Variants in CCDC106 observed in about 807,000 individuals in gnomAD.
CCDC106 encodes the protein coiled-coil domain containing 106, also known as coiled-coil domain-containing protein 106.
A neutral mutation model predicts 24.7 loss-of-function variants in CCDC106; 17 were observed. The observed-to-expected ratio is 0.69, with a 90% confidence interval of 0.47 to 1.03. CCDC106 has a LOEUF of 1.03. CCDC106 is among the 50% of genes least tolerant of loss of function. The pLI, the probability that CCDC106 is intolerant of heterozygous loss-of-function variation, is 0.00. For synonymous variants in CCDC106, 211 were observed against 161.3 expected, an observed-to-expected ratio of 1.31 and a Z score of -2.34; for missense variants, 337 against 388.9, an observed-to-expected ratio of 0.87 and a Z score of 1.12.
In CCDC106 at chr19:55,648,616, T is replaced by G. The variant is rs1358014783; in HGVS notation, c.-431T>G. The G allele has an allele frequency of 4.9e-6, 1 of 205,234 alleles. No individual in the cohort carries two copies. Among genetic ancestry groups the G allele is most frequent in the Non-Finnish European group, 9.9e-6 (1 of 100,536 alleles). The allele number at this position is 205,234 out of a possible 1,614,324, so 12.7% of individuals were successfully genotyped here. A position where few individuals can be genotyped will look rare whatever the true frequency, so the allele number is the denominator to read the frequency against. On this transcript the variant is annotated 5_prime_UTR_variant, in exon 1 of 5. Transcript: ENST00000586790. The stretch of plus-strand genomic sequence containing the variant: ...CTGGGAAGTTGGGGCAGTTTCCCCC[T>G]GCACCTGCCTCTTCCTTAGGCCTGG...
rs1983029775 is a variant in CCDC106, at chr19:55,648,711, GCAC to G, written c.-334_-332del. 1 of 434,910 alleles carries G rather than the reference GCAC, an allele frequency of 2.3e-6. No individual in the cohort carries two copies. The highest frequency in any genetic ancestry group is 2.0e-5 in the African/African-American group (1 of 50,030). 26.9% of individuals were successfully genotyped at this position (434,910 alleles called of 1,614,324 possible). A position where few individuals can be genotyped will look rare whatever the true frequency, so the allele number is the denominator to read the frequency against. ...GTCCCTGGTCAGGCGACCCCTTGGG[GCAC>G]CCAGCAATTTAGGGCTTCAGCTTCC... On this transcript the variant is annotated 5_prime_UTR_variant, in exon 1 of 5. Transcript: ENST00000586790.
intron 3 of CCDC106, among the ~76,000 whole-genome samples, chr19:55,651,000 C>A (rs187817642): frequency 2.6e-5 from 4 of 152,166 alleles, no homozygotes; most frequent in Admixed American, 2.6e-4. Context: ...ATGGGAACCG[C>A]GCATAGTCAC....
intron 3 of CCDC106, 99 bp from the exon 4 acceptor site, chr19:55,651,184 T>G: frequency 1.1e-6 from 1 of 923,248 alleles, no homozygotes; most frequent in Non-Finnish European, 1.8e-6. Flanking sequence ...CCAGCCCAGG[T>G]TGGGGGATCC....
Position 55,652,749 on chromosome 19 carries a change from G to T in CCDC106, c.*3G>T, listed in dbSNP as rs775959610. 1.2e-6 allele frequency: 2 copies of T among 1,603,154 alleles called. No homozygotes were observed. The highest frequency in any genetic ancestry group is 8.5e-7 in the Non-Finnish European group (1 of 1,173,676). ...TCACCTACCGCTTCAAGCGGTGATC[G>T]CACCACGCCTCCGCGCCTCCACCCG... On this transcript the variant is annotated 3_prime_UTR_variant, in exon 5 of 5. Coordinates refer to ENST00000586790, the MANE Select transcript of CCDC106 (RefSeq NM_001370470.1). This position sits in a 1 kb window ranked among gnomAD's most constrained non-coding sequence, Gnocchi z 5.9.
chr19:55,651,196 G>T (rs1003874040), intron 3 of CCDC106, 87 bp from the exon 4 acceptor site: 2 of 1,045,352 alleles, frequency 1.9e-6, no homozygotes, highest in South Asian at 1.3e-5. Flanking sequence ...GGGGGATCCA[G>T]TTCGGGGACT....
chr19:55,649,981 G>T (rs1185051355), intron 3 of CCDC106, among the ~76,000 whole-genome samples: 1 of 152,074 alleles, frequency 6.6e-6, no homozygotes, highest in East Asian at 1.9e-4. Context: ...GGTTTCCTCA[G>T]GGGGCCCCTG....
chr19:55,647,970 C>CG (rs1199376641), upstream of CCDC106: 2 of 152,198 alleles, frequency 1.3e-5, no homozygotes, highest in East Asian at 1.9e-4. Context: ...GCCTGAGCTT[C>CG]GGGGAGGGCG....
At position 55,652,330 on chromosome 19, in the gene CCDC106, G is replaced by A. The variant is rs1294009774; in HGVS notation, c.527-100G>A. On this transcript the variant is annotated intron_variant, in intron 4 of 4. Coordinates refer to ENST00000586790, the MANE Select transcript of CCDC106 (RefSeq NM_001370470.1). This position sits in a 1 kb window ranked among gnomAD's most constrained non-coding sequence, Gnocchi z 5.9. ...CCTGCACCGGCCCGTGCCTCTGCTC[G>A]CCGAGATCCTTTCTTCCCATGGCCG... The A allele has an allele frequency of 1.9e-6, 2 of 1,065,268 alleles. No homozygotes were observed. Among genetic ancestry groups the A allele is most frequent in the Admixed American group, 2.4e-5 (1 of 41,648 alleles). The allele number at this position is 1,065,268 out of a possible 1,614,324, so 66.0% of individuals were successfully genotyped here.
rs749076695 is a variant in CCDC106, at chr19:55,649,289, C to A, written c.116C>A (p.Pro39His). 1.2e-5 allele frequency: 20 copies of A among 1,613,974 alleles called. No homozygotes were observed. Among genetic ancestry groups the A allele is most frequent in the East Asian group, 1.1e-4 (5 of 44,888 alleles). ...LDPQIFYSLSPSRRNFEEPPE... is the reference protein window; with the variant it reads ...LDPQIFYSLSHSRRNFEEPPE... The stretch of plus-strand genomic sequence containing the variant: ...CCACAGATCTTTTACAGTCTGAGCC[C>A]CTCTCGGAGAAACTTCGAGGGTGAG... Residue 39 changes from proline to histidine, a missense_variant, in exon 2 of 5, where the codon CCC becomes CAC. Pro to His is a moderately conservative substitution (Grantham distance 77). This residue lies in a region of CCDC106 where 234 missense variants were observed against 236.5 expected (regional missense o/e 0.99). Coordinates refer to ENST00000586790, the MANE Select transcript of CCDC106 (RefSeq NM_001370470.1).
Position 55,649,287 on chromosome 19 carries a change from C to G in CCDC106, c.114C>G (p.Ser38Arg), listed in dbSNP as rs1326671415. ...ACCCACAGATCTTTTACAGTCTGAG[C>G]CCCTCTCGGAGAAACTTCGAGGGTG... is the stretch of plus-strand genomic sequence containing the variant. ...HLDPQIFYSL[S>R]PSRRNFEEPP... Residue 38 changes from serine to arginine, a missense_variant, in exon 2 of 5, where the codon AGC (serine) becomes AGG (arginine). Transcript: ENST00000586790. 1.2e-6 allele frequency: 2 copies of G among 1,614,006 alleles called. No homozygotes were observed. The highest frequency in any genetic ancestry group is 1.7e-6 in the Non-Finnish European group (2 of 1,179,920).
In CCDC106 at chr19:55,652,504, C is replaced by T. The variant is rs1189178374; in HGVS notation, c.601C>T (p.Arg201Trp). 1 of 1,613,366 alleles carries T rather than the reference C, an allele frequency of 6.2e-7. No individual in the cohort carries two copies. Among genetic ancestry groups the T allele is most frequent in the Non-Finnish European group, 8.5e-7 (1 of 1,179,776 alleles). The change falls in exon 5 of 5, where the codon CGG becomes TGG. Residue 201 changes from arginine to tryptophan, a missense_variant. This residue lies in a region of CCDC106 where 103 missense variants were observed against 152.4 expected (regional missense o/e 0.68). Coordinates refer to ENST00000586790, the MANE Select transcript of CCDC106 (RefSeq NM_001370470.1). This position sits in a 1 kb window ranked among gnomAD's most constrained non-coding sequence, Gnocchi z 5.9. ...CTTCCAGAAGCTCAAGAGCATGTCGCGGGCCTTCGAGCACCACCGCGTGGA... is the reference window on the plus strand; with the variant it reads ...CTTCCAGAAGCTCAAGAGCATGTCGTGGGCCTTCGAGCACCACCGCGTGGA... ...GTFQKLKSMSRAFEHHRVDRN... is the reference protein window; with the variant it reads ...GTFQKLKSMSWAFEHHRVDRN...
rs1428301480 is a variant in CCDC106 at position 55,652,938 on chromosome 19, C to T, written c.*192C>T. ...CTTCCCGAACGCCGGCACCCCCTTC[C>T]GCTTGGGCTGCCCAGCCCTGTCCTC... On this transcript the variant is annotated 3_prime_UTR_variant, in exon 5 of 5. Coordinates refer to ENST00000586790, the MANE Select transcript of CCDC106 (RefSeq NM_001370470.1). The surrounding 1 kb of genome is among the most constrained non-coding windows in gnomAD (Gnocchi z 5.9). The T allele has an allele frequency of 3.4e-6, 2 of 579,902 alleles. No homozygotes were observed. The highest frequency in any genetic ancestry group is 1.9e-5 in the African/African-American group (1 of 52,244). The allele number at this position is 579,902 out of a possible 1,614,324, so 35.9% of individuals were successfully genotyped here. A position where few individuals can be genotyped will look rare whatever the true frequency, so the allele number is the denominator to read the frequency against.
chr19:55,652,861 G>A lies in CCDC106; in HGVS notation c.*115G>A. The A allele has an allele frequency of 1.0e-6, 1 of 961,912 alleles. No homozygotes were observed. Among genetic ancestry groups the A allele is most frequent in the Non-Finnish European group, 1.5e-6 (1 of 660,378 alleles). The allele number at this position is 961,912 out of a possible 1,614,324, so 59.6% of individuals were successfully genotyped here. A position where few individuals can be genotyped will look rare whatever the true frequency, so the allele number is the denominator to read the frequency against. Reference sequence around the variant, plus strand: ...CCTCCTCCTCGCTCCCTGGGTTGGGGGCTCCCTTAGCCGGGCCCCCAAGCG... The same window carrying A: ...CCTCCTCCTCGCTCCCTGGGTTGGGAGCTCCCTTAGCCGGGCCCCCAAGCG... On this transcript the variant is annotated 3_prime_UTR_variant, in exon 5 of 5. Transcript: ENST00000586790. This position sits in a 1 kb window ranked among gnomAD's most constrained non-coding sequence, Gnocchi z 5.9.
intron 4 of CCDC106, 98 bp downstream of exon 4, chr19:55,651,593 C>T (rs938154812): frequency 2.3e-6 from 2 of 852,446 alleles, no homozygotes; most frequent in Admixed American, 2.9e-5. Context: ...GCCCCTCCAG[C>T]CTTGCTGGAG....
Position 55,652,753 on chromosome 19 carries a change from C to G in CCDC106, c.*7C>G. 2 of 1,600,778 alleles carry G rather than the reference C, an allele frequency of 1.2e-6. No individual in the cohort carries two copies. The highest frequency in any genetic ancestry group is 1.7e-6 in the Non-Finnish European group (2 of 1,172,406). ...CTACCGCTTCAAGCGGTGATCGCAC[C>G]ACGCCTCCGCGCCTCCACCCGGGCC... On this transcript the variant is annotated 3_prime_UTR_variant, in exon 5 of 5. Coordinates refer to ENST00000586790, the MANE Select transcript of CCDC106 (RefSeq NM_001370470.1). The surrounding 1 kb of genome is among the most constrained non-coding windows in gnomAD (Gnocchi z 5.9).
chr19:55,651,407 C>A lies in CCDC106; in HGVS notation c.438C>A (p.Gly146=). 6.2e-7 allele frequency: 1 copy of A among 1,610,712 alleles called. No homozygotes were observed. Among genetic ancestry groups the A allele is most frequent in the Non-Finnish European group, 8.5e-7 (1 of 1,178,700 alleles). The change falls in exon 4 of 5, where the codon GGC becomes GGA. Residue 146 remains glycine (G), a synonymous_variant. Coordinates refer to ENST00000586790, the MANE Select transcript of CCDC106 (RefSeq NM_001370470.1). ...ASSLSGASEE[G]SASERRRQKQ... is the part of the protein sequence containing the mutation. Reference sequence around the variant, plus strand: ...CCCTCAGCGGAGCGTCCGAAGAAGGCAGCGCCAGTGAGAGGAGGCGGCAGA... The same window carrying A: ...CCCTCAGCGGAGCGTCCGAAGAAGGAAGCGCCAGTGAGAGGAGGCGGCAGA...
rs769370058 is a variant in CCDC106, at chr19:55,651,309, C to A, written c.340C>A (p.Pro114Thr). The change falls in exon 4 of 5, where the codon CCC becomes ACC. Residue 114 changes from proline (P) to threonine (T), a missense_variant. Physicochemically the swap from Pro to Thr is conservative, Grantham distance 38. Coordinates refer to ENST00000586790, the MANE Select transcript of CCDC106 (RefSeq NM_001370470.1). Reference protein sequence around the residue: ...AEDHCRMKPGPRRMEGDSRGG... With the variant: ...AEDHCRMKPGTRRMEGDSRGG... ...GGACCACTGCCGGATGAAGCCTGGG[C>A]CCAGGCGGATGGAGGGGGACAGCCG... The A allele has an allele frequency of 1.9e-6, 3 of 1,613,328 alleles. No individual in the cohort carries two copies. The highest frequency in any genetic ancestry group is 8.5e-7 in the Non-Finnish European group (1 of 1,179,752).
chr19:55,651,442 G>C lies in CCDC106; in HGVS notation c.473G>C (p.Gly158Ala). The change falls in exon 4 of 5, where the codon GGA (glycine) becomes GCA (alanine). Residue 158 changes from glycine to alanine, a missense_variant. By Grantham distance (60) the Gly-to-Ala change is moderately conservative (BLOSUM62 0). Transcript: ENST00000586790. Reference protein sequence around the residue: ...ASERRRQKQKGGASRRRFGKP... With the variant: ...ASERRRQKQKAGASRRRFGKP... ...GAGAGGAGGCGGCAGAAGCAGAAGG[G>C]AGGTGCTAGTCGGAGGCGCTTTGGG... 6.2e-7 allele frequency: 1 copy of C among 1,604,596 alleles called. No individual in the cohort carries two copies.
chr19:55,651,779 A>AG (rs1868255064), intron 4 of CCDC106, among the ~76,000 whole-genome samples: 1 of 151,706 alleles, frequency 6.6e-6, no homozygotes. Flanking sequence ...CTCCTGCCTC[A>AG]GCCTCCCGAG....
Sources: gnomAD v4.1 joint callset for allele counts (sites outside exome capture counted in the v4.1 genomes callset) on GRCh38, gnomAD v4.1.1 for gene constraint, gnomAD v4.1.1 regional missense constraint, Gnocchi (gnomAD v3.1) non-coding constraint, MANE v1.5 for transcripts, NCBI Gene and HGNC (gene_info 2026-07-23, HGNC 2026-07-21) for gene names.